The following XYLT2 variants were observed in gnomAD, a reference collection of about 807,000 sequenced individuals.
The protein encoded by XYLT2 is UDP-D-xylose:proteoglycan core protein beta-D-xylosyltransferase.
XYLT2 carries 37 observed loss-of-function variants against 82.6 expected under a neutral mutation model. The observed-to-expected ratio is 0.45, with a 90% CI of 0.34 to 0.59. The LOEUF (loss-of-function observed/expected upper bound fraction) is 0.59. Ranked by LOEUF, XYLT2 falls within the 20% of genes least tolerant of loss-of-function variation. XYLT2 has a pLI of 0.01. For synonymous variants in XYLT2, 474 were observed against 499.0 expected (o/e 0.95, Z 0.67); for missense variants, 934 against 1,181.3 (o/e 0.79, Z 3.07).
rs1020422588 is a variant in XYLT2, at chr17:50,357,941, C to T, written c.1942-266C>T. 3 of 470,524 alleles carry T rather than the reference C, an allele frequency of 6.4e-6. No homozygotes were observed. The Admixed American group carries it at 1.1e-4, about 17-fold the overall frequency. 29.1% of individuals were successfully genotyped at this position (470,524 alleles called of 1,614,324 possible). A position where few individuals can be genotyped will look rare whatever the true frequency, so the allele number is the denominator to read the frequency against. Reference sequence around the variant, plus strand: ...ATGTGGGAATGGTCTCTGGGCAGGACTTTGAACCTCATCCCTGCCGTATTG... The same window carrying T: ...ATGTGGGAATGGTCTCTGGGCAGGATTTTGAACCTCATCCCTGCCGTATTG... On this transcript the variant is annotated intron_variant, in intron 9 of 10. Coordinates refer to ENST00000017003, the MANE Select transcript of XYLT2 (RefSeq NM_022167.4).
rs568486407 is a variant in XYLT2, at chr17:50,346,378, G to C, written c.135+103G>C. On this transcript the variant is annotated intron_variant, in intron 1 of 10. Transcript: ENST00000017003. The surrounding 1 kb of genome is among the most constrained non-coding windows in gnomAD (Gnocchi z 5.1). ...GCCGGGGAAGTGGGGCACGGGCCGC[G>C]TGCGTGCGTGCGGGGCGCCGGCGGT... The C allele has an allele frequency of 6.5e-5, 63 of 975,120 alleles. No individual in the cohort carries two copies. In the African/African-American group the frequency reaches 1.0e-3, roughly 16 times the overall value. 60.4% of individuals were successfully genotyped at this position (975,120 alleles called of 1,614,324 possible). A position where few individuals can be genotyped will look rare whatever the true frequency, so the allele number is the denominator to read the frequency against.
chr17:50,346,208 C>T lies in XYLT2; in HGVS notation c.68C>T (p.Ala23Val), dbSNP rs1016248642. ...RYKLAIATAL[A>V]ILLLQGLVVW... ...AAGCTGGCGATTGCCACGGCGCTGG[C>T]CATCCTGCTGCTGCAGGGCCTGGTA... is the stretch of plus-strand genomic sequence containing the variant. Residue 23 changes from alanine (A) to valine (V), a missense_variant, in exon 1 of 11, where the codon GCC (alanine) becomes GTC (valine). Around this residue, in one of 3 missense-constraint regions of XYLT2, gnomAD observed 371 missense variants for 394.9 expected, o/e 0.94. Coordinates refer to ENST00000017003, the MANE Select transcript of XYLT2 (RefSeq NM_022167.4). This position sits in a 1 kb window ranked among gnomAD's most constrained non-coding sequence, Gnocchi z 5.1. 8 of 1,291,442 alleles carry T rather than the reference C, an allele frequency of 6.2e-6. No homozygotes were observed. The African/African-American group carries it at 9.5e-5, about 15-fold the overall frequency. The allele number at this position is 1,291,442 out of a possible 1,614,324, so 80.0% of individuals were successfully genotyped here.
Position 50,353,707 on chromosome 17 carries a change from G to T in XYLT2, c.213G>T (p.Arg71=), listed in dbSNP as rs1180774021. The part of the protein sequence containing the change: ...SKDTDSSAGR[R]GSTGRRHGRW... ...ACACAGACAGTTCAGCAGGGCGACGGGGCAGCACAGGCAGAAGGCATGGGC... is the reference window on the plus strand; with the variant it reads ...ACACAGACAGTTCAGCAGGGCGACGTGGCAGCACAGGCAGAAGGCATGGGC... The change falls in exon 2 of 11, where the codon CGG becomes CGT. Residue 71 remains arginine, a synonymous_variant. Coordinates refer to ENST00000017003, the MANE Select transcript of XYLT2 (RefSeq NM_022167.4). The T allele has an allele frequency of 1.3e-6, 2 of 1,561,242 alleles. No homozygotes were observed. The highest frequency in any genetic ancestry group is 8.7e-7 in the Non-Finnish European group (1 of 1,152,058).
intron 9 of XYLT2, chr17:50,357,579 G>A (rs1912600343): frequency 7.1e-6 from 2 of 282,394 alleles, no homozygotes; most frequent in Admixed American, 5.2e-5. Flanking sequence ...ACTTCTGAGT[G>A]GCTCCTCATA....
rs1912791490 is a variant in XYLT2, at chr17:50,361,109, A to T, written c.*818A>T. 1.0e-6 allele frequency: 1 copy of T among 985,930 alleles called. No individual in the cohort carries two copies. Among genetic ancestry groups the T allele is most frequent in the South Asian group, 4.7e-5 (1 of 21,286 alleles). 61.1% of individuals were successfully genotyped at this position (985,930 alleles called of 1,614,324 possible). Reference sequence around the variant, plus strand: ...TAATTGTGCCTGAAGCTCAGCGTGAAGTCTGAAATATGCAACAGAAGAAAT... The same window carrying T: ...TAATTGTGCCTGAAGCTCAGCGTGATGTCTGAAATATGCAACAGAAGAAAT... On this transcript the variant is annotated 3_prime_UTR_variant, in exon 11 of 11. Coordinates refer to ENST00000017003, the MANE Select transcript of XYLT2 (RefSeq NM_022167.4).
At chr17:50,349,178 C>G (rs1912153985) in intron 1 of XYLT2, among the ~76,000 whole-genome samples, 1 of 152,254 alleles carries the variant, frequency 6.6e-6, no homozygotes, top group African/African-American at 2.4e-5. Context: ...TCCTAACTCA[C>G]TGATACTGGC....
chr17:50,357,215 G>A lies in XYLT2; in HGVS notation c.1904G>A (p.Gly635Glu). 1 of 1,608,592 alleles carries A rather than the reference G, an allele frequency of 6.2e-7. No homozygotes were observed. The highest frequency in any genetic ancestry group is 8.5e-7 in the Non-Finnish European group (1 of 1,179,174). The change falls in exon 9 of 11, where the codon GGG (glycine) becomes GAG (glutamate). Residue 635 changes from glycine to glutamate, a missense_variant. By Grantham distance (98) the Gly-to-Glu change is moderately conservative. This residue lies in a region of XYLT2 where 374 missense variants were observed against 465.6 expected (regional missense o/e 0.80). Coordinates refer to ENST00000017003, the MANE Select transcript of XYLT2 (RefSeq NM_022167.4). Reference protein sequence around the residue: ...LMPQGSLKLLGRSDQASRLQS... With the variant: ...LMPQGSLKLLERSDQASRLQS... ...CCCCAAGGGTCGCTGAAGCTGTTGG[G>A]GCGCAGTGACCAGGCCAGCCGGCTC...
intron 2 of XYLT2, 123 bp downstream of exon 2, chr17:50,354,245 C>T: frequency 6.5e-7 from 1 of 1,527,966 alleles, no homozygotes; most frequent in Non-Finnish European, 8.8e-7. Flanking sequence ...CTGCCTAAGT[C>T]TTCATCCAGT....
chr17:50,346,924 G>C lies in XYLT2; in HGVS notation c.135+649G>C. On this transcript the variant is annotated intron_variant, in intron 1 of 10. Coordinates refer to ENST00000017003, the MANE Select transcript of XYLT2 (RefSeq NM_022167.4). This position sits in a 1 kb window ranked among gnomAD's most constrained non-coding sequence, Gnocchi z 5.1. Reference sequence around the variant, plus strand: ...GGTCTCCGGAGGGCAGGGAGAGGAGGAACTGAGCTGGTGAGTTGGCCTCAG... The same window carrying C: ...GGTCTCCGGAGGGCAGGGAGAGGAGCAACTGAGCTGGTGAGTTGGCCTCAG... 1.0e-6 allele frequency: 1 copy of C among 985,368 alleles called. No individual in the cohort carries two copies. Among genetic ancestry groups the C allele is most frequent in the Non-Finnish European group, 1.2e-6 (1 of 829,904 alleles). The allele number at this position is 985,368 out of a possible 1,614,324, so 61.0% of individuals were successfully genotyped here. A position where few individuals can be genotyped will look rare whatever the true frequency, so the allele number is the denominator to read the frequency against.
chr17:50,348,769 G>A (rs916363826), intron 1 of XYLT2, among the ~76,000 whole-genome samples: 5 of 152,224 alleles, frequency 3.3e-5, no homozygotes, highest in Admixed American at 6.5e-5. Context: ...AGTGGCAGAG[G>A]ATTTTAATCG....
rs759939858 is a variant in XYLT2, at chr17:50,353,805, G to A, written c.311G>A (p.Arg104Lys). The A allele has an allele frequency of 4.8e-5, 76 of 1,571,830 alleles. No individual in the cohort carries two copies. In the Middle Eastern group the frequency reaches 1.0e-3, roughly 21 times the overall value. ...KVVRAVTSRQ[R>K]ASRRVPPAPP... Reference sequence around the variant, plus strand: ...GTACGGGCAGTAACCAGCCGGCAGAGAGCCAGCCGGCGGGTCCCACCTGCC... The same window carrying A: ...GTACGGGCAGTAACCAGCCGGCAGAAAGCCAGCCGGCGGGTCCCACCTGCC... Residue 104 changes from arginine (R) to lysine (K), a missense_variant, in exon 2 of 11, where the codon AGA (arginine) becomes AAA (lysine). Physicochemically the swap from Arg to Lys is conservative, Grantham distance 26. Around this residue, in one of 3 missense-constraint regions of XYLT2, gnomAD observed 371 missense variants for 394.9 expected, o/e 0.94. Coordinates refer to ENST00000017003, the MANE Select transcript of XYLT2 (RefSeq NM_022167.4).
At chr17:50,357,591 T>TC in intron 9 of XYLT2, 1 of 224,834 alleles carries the variant, frequency 4.4e-6, no homozygotes, top group South Asian at 1.6e-4. Context: ...CTCCTCATAG[T>TC]CTTTTTTTTT....
In XYLT2 at chr17:50,357,235, C is replaced by G; in HGVS notation, c.1924C>G (p.Arg642Gly). The change falls in exon 9 of 11, where the codon CGG (arginine) becomes GGG (glycine). Residue 642 changes from arginine to glycine, a missense_variant. Coordinates refer to ENST00000017003, the MANE Select transcript of XYLT2 (RefSeq NM_022167.4). ...GTTGGGGCGCAGTGACCAGGCCAGC[C>G]GGCTCCAGAGTCTGGAGGTGGGACA... ...KLLGRSDQAS[R>G]LQSLEVGTDW... 1 of 1,599,940 alleles carries G rather than the reference C, an allele frequency of 6.3e-7. No homozygotes were observed. Among genetic ancestry groups the G allele is most frequent in the African/African-American group, 1.3e-5 (1 of 74,738 alleles).
At chr17:50,356,903 A>C in intron 8 of XYLT2, 130 bp downstream of exon 8, 1 of 1,475,416 alleles carries the variant, frequency 6.8e-7, no homozygotes, top group Non-Finnish European at 9.0e-7. Flanking sequence ...AAATACCGAA[A>C]AGACGGCTAG....
Position 50,358,193 on chromosome 17 carries a change from C to T in XYLT2, c.1942-14C>T, listed in dbSNP as rs1328044421. The T allele has an allele frequency of 6.4e-7, 1 of 1,566,332 alleles. No individual in the cohort carries two copies. The highest frequency in any genetic ancestry group is 2.3e-5 in the East Asian group (1 of 44,268). On this transcript the variant is annotated splice_polypyrimidine_tract_variant and intron_variant, in intron 9 of 10. Transcript: ENST00000017003. ...TTCCCCCACACTCCTGCCCAGCTGC[C>T]TCTCTCTCTACAGGTTGGCACTGAT...
rs766170830 is a variant in XYLT2 at position 50,355,539 on chromosome 17, G to A, written c.1046G>A (p.Arg349Gln). Reference sequence around the variant, plus strand: ...CTGGTGGCATTCCTATCCAAGAACCGGGACAAGAATTTCCTCAAGTCACAT... The same window carrying A: ...CTGGTGGCATTCCTATCCAAGAACCAGGACAAGAATTTCCTCAAGTCACAT... ...EELVAFLSKN[R>Q]DKNFLKSHGR... The change falls in exon 5 of 11, where the codon CGG (arginine) becomes CAG (glutamine). Residue 349 changes from arginine (R) to glutamine (Q), a missense_variant. Physicochemically the swap from Arg to Gln is conservative, Grantham distance 43. Around this residue, in one of 3 missense-constraint regions of XYLT2, gnomAD observed 189 missense variants for 320.8 expected, o/e 0.59. Coordinates refer to ENST00000017003, the MANE Select transcript of XYLT2 (RefSeq NM_022167.4). 1.1e-5 allele frequency: 17 copies of A among 1,614,016 alleles called. No individual in the cohort carries two copies. Among genetic ancestry groups the A allele is most frequent in the South Asian group, 7.7e-5 (7 of 91,096 alleles).
In XYLT2 at chr17:50,346,205, T is replaced by G; in HGVS notation, c.65T>G (p.Leu22Arg). The change falls in exon 1 of 11, where the codon CTG becomes CGG. Residue 22 changes from leucine to arginine, a missense_variant. Physicochemically the swap from Leu to Arg is moderately radical, Grantham distance 102. Transcript: ENST00000017003. The surrounding 1 kb of genome is among the most constrained non-coding windows in gnomAD (Gnocchi z 5.1). ...RRYKLAIATA[L>R]AILLLQGLVV... ...TACAAGCTGGCGATTGCCACGGCGC[T>G]GGCCATCCTGCTGCTGCAGGGCCTG... 1 of 1,287,808 alleles carries G rather than the reference T, an allele frequency of 7.8e-7. No individual in the cohort carries two copies. The highest frequency in any genetic ancestry group is 1.0e-6 in the Non-Finnish European group (1 of 990,828). The allele number at this position is 1,287,808 out of a possible 1,614,324, so 79.8% of individuals were successfully genotyped here. A position where few individuals can be genotyped will look rare whatever the true frequency, so the allele number is the denominator to read the frequency against.
rs201726515 is a variant in XYLT2 at position 50,354,448 on chromosome 17, C to G, written c.669C>G (p.Ala223=). The G allele has an allele frequency of 3.7e-6, 6 of 1,611,732 alleles. No individual in the cohort carries two copies. In the Admixed American group the frequency reaches 8.3e-5, roughly 22 times the overall value. Reference sequence around the variant, plus strand: ...GCATCCAGTGGGATGAGAGCCAAGCCCAGCAGCCCATGGATGGCCCCCCGG... The same window carrying G: ...GCATCCAGTGGGATGAGAGCCAAGCGCAGCAGCCCATGGATGGCCCCCCGG... The part of the protein sequence containing the change: ...SPGIQWDESQ[A]QQPMDGPPVR... The change falls in exon 3 of 11, where the codon GCC becomes GCG. Residue 223 remains alanine (A), a synonymous_variant. Transcript: ENST00000017003.
In XYLT2 at chr17:50,353,705, C is replaced by A. The variant is rs773702784; in HGVS notation, c.211C>A (p.Arg71=). ...GGACACAGACAGTTCAGCAGGGCGA[C>A]GGGGCAGCACAGGCAGAAGGCATGG... ...SKDTDSSAGR[R]GSTGRRHGRW... Residue 71 remains arginine (R), a synonymous_variant, in exon 2 of 11, where the codon CGG becomes AGG. Transcript: ENST00000017003. 2.2e-5 allele frequency: 35 copies of A among 1,561,456 alleles called. No homozygotes were observed. Among genetic ancestry groups the A allele is most frequent in the African/African-American group, 2.7e-5 (2 of 73,660 alleles).
Sources: allele counts gnomAD v4.1 joint callset (sites outside exome capture counted in the v4.1 genomes callset), GRCh38; gene constraint gnomAD v4.1.1; regional missense constraint gnomAD v4.1.1; non-coding constraint Gnocchi (gnomAD v3.1); transcripts MANE v1.5; gene names NCBI Gene and HGNC (gene_info 2026-07-23, HGNC 2026-07-21).